DPY19L4: variants seen among roughly 807,000 people sequenced by gnomAD.
DPY19L4 encodes the protein probable C-mannosyltransferase DPY19L4.
Under a neutral mutation model 102.8 loss-of-function variants are expected in DPY19L4, and 97 were observed. The observed-to-expected ratio is 0.94, with a 90% CI of 0.80 to 1.12. DPY19L4 has a LOEUF of 1.12. Among genes scored for constraint, DPY19L4 ranks in the 50% most tolerant of loss-of-function variants. The pLI, the probability that DPY19L4 is intolerant of heterozygous loss-of-function variation, is 0.00. For synonymous variants in DPY19L4, 252 were observed against 283.1 expected (o/e 0.89, Z 1.10); for missense variants, 815 against 850.4 (o/e 0.96, Z 0.52).
intron 8 of DPY19L4, among the ~76,000 whole-genome samples, chr8:94,763,427 G>T (rs182579966): frequency 1.3e-5 from 2 of 151,248 alleles, no homozygotes; most frequent in South Asian, 4.2e-4. Flanking sequence ...TGCAACCTCC[G>T]CCTCCCAGGC....
chr8:94,729,796 A>T lies in DPY19L4; in HGVS notation c.127+3355A>T, dbSNP rs560457838. Reference sequence around the variant, plus strand: ...CAGTGAGCCAGGATCACGCCACTGCACTCCAGCCTGGACGATGCAGCAAGA... The same window carrying T: ...CAGTGAGCCAGGATCACGCCACTGCTCTCCAGCCTGGACGATGCAGCAAGA... On this transcript the variant is annotated intron_variant, in intron 2 of 18. Coordinates refer to ENST00000414645, the MANE Select transcript of DPY19L4 (RefSeq NM_181787.3). Among the ~76,000 whole-genome samples the T allele has an allele frequency of 3.3e-5, 5 of 151,928 alleles. No individual in the cohort carries two copies. In the South Asian group the frequency reaches 1.0e-3, roughly 32 times the overall value.
intron 3 of DPY19L4, 98 bp downstream of exon 3, chr8:94,734,852 T>C (rs1183095799): frequency 2.6e-6 from 4 of 1,513,738 alleles, no homozygotes; most frequent in Non-Finnish European, 3.6e-6. Flanking sequence ...TTTATGGCTA[T>C]TAGGAACAAA....
In DPY19L4 at chr8:94,791,483, G is replaced by A. The variant is rs1313308918; in HGVS notation, c.*1573G>A. 6.6e-6 allele frequency: 1 copy of A among 152,080 alleles called. No individual in the cohort carries two copies. The highest frequency in any genetic ancestry group is 1.5e-5 in the Non-Finnish European group (1 of 67,994). The allele number at this position is 152,080 out of a possible 1,614,324, so 9.4% of individuals were successfully genotyped here. On this transcript the variant is annotated 3_prime_UTR_variant, in exon 19 of 19. Transcript: ENST00000414645. Reference sequence around the variant, plus strand: ...CTTAACTATATTAAGATAGTTGCAGGCAGTGTACCTCAGGTTGACTCTGTA... The same window carrying A: ...CTTAACTATATTAAGATAGTTGCAGACAGTGTACCTCAGGTTGACTCTGTA...
At chr8:94,785,773 C>T (rs1319809707) in intron 17 of DPY19L4, among the ~76,000 whole-genome samples, 2 of 152,210 alleles carry the variant, frequency 1.3e-5, no homozygotes, top group Non-Finnish European at 2.9e-5. Context: ...GTATTTGCTG[C>T]ACCTCCAAAA....
intron 3 of DPY19L4, among the ~76,000 whole-genome samples, 200 bp downstream of exon 3, chr8:94,734,954 C>T (rs1313615829): frequency 6.6e-6 from 1 of 152,072 alleles, no homozygotes; most frequent in African/African-American, 2.4e-5. Context: ...GAGGGTGCTC[C>T]CCTTTCTGCA....
chr8:94,782,358 A>G (rs4377930), intron 16 of DPY19L4, among the ~76,000 whole-genome samples: 126,147 of 151,968 alleles, frequency 0.83, 52,801 homozygotes, highest in East Asian at 0.96. Context: ...AGAGCAGCAA[A>G]AGAGGGCAAT....
chr8:94,786,155 TGAC>T (rs1352457949), intron 17 of DPY19L4, among the ~76,000 whole-genome samples: 1 of 152,122 alleles, frequency 6.6e-6, no homozygotes, highest in Non-Finnish European at 1.5e-5. Flanking sequence ...TTGTTGTTGT[TGAC>T]GAGTCTCGCT....
chr8:94,788,095 A>ATATATTTTT lies in DPY19L4; in HGVS notation c.2007+44_2007+45insATATTTTTT, dbSNP rs778540423. On this transcript the variant is annotated intron_variant, in intron 18 of 18. Coordinates refer to ENST00000414645, the MANE Select transcript of DPY19L4 (RefSeq NM_181787.3). ...AAGTTATATATATGTATATATATAT[A>ATATATTTTT]TTTTTTTTTTAGAAAAATGACTTTA... The ATATATTTTT allele has an allele frequency of 3.2e-6, 3 of 939,300 alleles. No individual in the cohort carries two copies. The African/African-American group carries it at 7.0e-5, about 22-fold the overall frequency. 58.2% of individuals were successfully genotyped at this position (939,300 alleles called of 1,614,324 possible).
intron 13 of DPY19L4, among the ~76,000 whole-genome samples, chr8:94,777,290 C>T (rs1195267127): frequency 6.6e-6 from 1 of 152,050 alleles, no homozygotes; most frequent in South Asian, 2.1e-4. Flanking sequence ...TGGTCCCAAA[C>T]TCCTGGCCTC....
At chr8:94,781,194 A>G (rs1179636611) in intron 16 of DPY19L4, 28 bp downstream of exon 16, 1 of 1,492,526 alleles carries the variant, frequency 6.7e-7, no homozygotes, top group Non-Finnish European at 9.0e-7. Context: ...CAAGACTATT[A>G]TTAAGCTATT....
At chr8:94,754,852 G>T (rs111371943) in intron 6 of DPY19L4, among the ~76,000 whole-genome samples, 1 of 152,098 alleles carries the variant, frequency 6.6e-6, no homozygotes, top group Non-Finnish European at 1.5e-5. Context: ...GCAGTGGTGC[G>T]ATCTCTGCTC....
intron 18 of DPY19L4, 47 bp from the exon 19 acceptor site, chr8:94,789,699 A>G (rs750558057): frequency 2.0e-6 from 3 of 1,482,562 alleles, no homozygotes; most frequent in Middle Eastern, 2.5e-4. Context: ...CATTTCTGCT[A>G]TAAGCTTAAT....
intron 6 of DPY19L4, 121 bp downstream of exon 6, chr8:94,739,911 G>C: frequency 8.4e-7 from 1 of 1,189,280 alleles, no homozygotes; most frequent in Non-Finnish European, 1.2e-6. Context: ...TGAATATGAT[G>C]AGATGCCATT....
rs750494976 is a variant in DPY19L4 at position 94,739,776 on chromosome 8, G to A, written c.597G>A (p.Trp199Ter). 5 of 1,612,042 alleles carry A rather than the reference G, an allele frequency of 3.1e-6. No homozygotes were observed. Among genetic ancestry groups the A allele is most frequent in the East Asian group, 2.2e-5 (1 of 44,892 alleles). ...TAGCAGGAATGCTTACTGTTGCGTG[G>A]TTCGTTATTAACAGGTAAGAAAGCT... ...TWLAGMLTVA[W>*]FVINRVDTTR... The change falls in exon 6 of 19, where the codon TGG (tryptophan) becomes TGA (stop). Residue 199 changes from tryptophan (W) to a stop codon, truncating the protein, a stop_gained. Transcript: ENST00000414645. LOFTEE classifies it high-confidence loss of function.
rs991716551 is a variant in DPY19L4, at chr8:94,777,880, G to A, written c.1575+94G>A. On this transcript the variant is annotated intron_variant, in intron 14 of 18. Coordinates refer to ENST00000414645, the MANE Select transcript of DPY19L4 (RefSeq NM_181787.3). ...ATTGAATACAATTGAAATAGCATGA[G>A]TAAATTACATGATGACTTACAGGTA... 12 of 1,372,268 alleles carry A rather than the reference G, an allele frequency of 8.7e-6. 1 individual carries two copies. In the African/African-American group the frequency reaches 1.3e-4, roughly 15 times the overall value. 85.0% of individuals were successfully genotyped at this position (1,372,268 alleles called of 1,614,324 possible).
At chr8:94,768,654 G>C in intron 12 of DPY19L4, 101 bp downstream of exon 12, 1 of 777,662 alleles carries the variant, frequency 1.3e-6, no homozygotes. Flanking sequence ...ATTTGTTTTA[G>C]AGCTTCTATT....
rs950332982 is a variant in DPY19L4 at position 94,770,623 on chromosome 8, T to C, written c.1454+52T>C. Reference sequence around the variant, plus strand: ...GTTTTAACAAAGATTGTTGGCTGAGTGCGGTGACTCACACCTGTAATCCCA... The same window carrying C: ...GTTTTAACAAAGATTGTTGGCTGAGCGCGGTGACTCACACCTGTAATCCCA... On this transcript the variant is annotated intron_variant, in intron 13 of 18. Transcript: ENST00000414645. 3.7e-6 allele frequency: 6 copies of C among 1,604,576 alleles called. No homozygotes were observed. In the East Asian group the frequency reaches 9.0e-5, roughly 24 times the overall value.
intron 10 of DPY19L4, 110 bp from the exon 11 acceptor site, chr8:94,766,502 T>C: frequency 1.2e-6 from 1 of 867,574 alleles, no homozygotes; most frequent in Non-Finnish European, 1.8e-6. Context: ...TATTTATTCA[T>C]ATTTTTGTTT....
At chr8:94,777,893 T>G in intron 14 of DPY19L4, 107 bp downstream of exon 14, 6 of 1,319,468 alleles carry the variant, frequency 4.5e-6, no homozygotes, top group Non-Finnish European at 6.2e-6. Context: ...AATTACATGA[T>G]GACTTACAGG....
Sources: gnomAD v4.1 joint callset for allele counts (sites outside exome capture counted in the v4.1 genomes callset) on GRCh38, gnomAD v4.1.1 for gene constraint, MANE v1.5 for transcripts, NCBI Gene and HGNC (gene_info 2026-07-23, HGNC 2026-07-21) for gene names.